Variants in GSE1 observed in about 807,000 individuals in gnomAD.
GSE1 encodes Gse1 coiled-coil protein.
GSE1 carries 32 observed loss-of-function variants against 112.6 expected under a neutral mutation model. That is an observed-to-expected ratio of 0.28 (90% CI 0.21 to 0.38). The LOEUF (loss-of-function observed/expected upper bound fraction) is 0.38. Among genes scored for constraint, GSE1 ranks in the 10% least tolerant of loss-of-function variants. The pLI is 1.00. For missense variants in GSE1, 2,348 were observed against 1,699.2 expected (o/e 1.38, Z -6.71); for synonymous variants, 1,115 against 735.6 (o/e 1.52, Z -8.35).
intron 2 of GSE1, among the ~76,000 whole-genome samples, chr16:85,489,270 C>T (rs1462299039): frequency 6.6e-6 from 1 of 151,896 alleles, no homozygotes; most frequent in Non-Finnish European, 1.5e-5. Context: ...CCTCCCCATC[C>T]TGGATGGGCT....
chr16:85,449,451 C>T (rs1462373680), intron 2 of GSE1, among the ~76,000 whole-genome samples: 3 of 152,254 alleles, frequency 2.0e-5, no homozygotes, highest in Non-Finnish European at 4.4e-5. Context: ...CTCCCAGATC[C>T]GGCTGCGGTC....
chr16:85,202,989 C>A (rs959536709), intron 1 of GSE1, among the ~76,000 whole-genome samples: 1 of 151,242 alleles, frequency 6.6e-6, no homozygotes, highest in Admixed American at 6.6e-5. Context: ...ACCTCTACCC[C>A]CCTTCTCCCC....
At chr16:85,506,606 C>T (rs533920270) in intron 2 of GSE1, among the ~76,000 whole-genome samples, 28 of 152,134 alleles carry the variant, frequency 1.8e-4, no homozygotes, top group Admixed American at 1.0e-3. Context: ...TAGGGGAAAA[C>T]GCACTCTCAT....
intron 1 of GSE1, among the ~76,000 whole-genome samples, chr16:85,350,540 C>T (rs896858936): frequency 6.6e-6 from 1 of 152,140 alleles, no homozygotes; most frequent in Non-Finnish European, 1.5e-5. Flanking sequence ...GGACACTGGA[C>T]AGGCCCCGCC....
chr16:85,661,212 T>C lies in GSE1; in HGVS notation c.1707T>C (p.Pro569=). 1 of 1,607,996 alleles carries C rather than the reference T, an allele frequency of 6.2e-7. No homozygotes were observed. Among genetic ancestry groups the C allele is most frequent in the Non-Finnish European group, 8.5e-7 (1 of 1,176,052 alleles). The change falls in exon 9 of 16, where the codon CCT becomes CCC. Residue 569 remains proline, a synonymous_variant. Transcript: ENST00000253458. ...DPPQHFGGPP[P]LISPKPQLHA... The stretch of plus-strand genomic sequence containing the variant: ...CGCAGCACTTTGGGGGGCCACCACC[T>C]CTGATTTCGCCCAAGCCCCAGCTCC...
chr16:85,628,192 C>T (rs945553381), intron 1 of GSE1, among the ~76,000 whole-genome samples: 2 of 152,266 alleles, frequency 1.3e-5, no homozygotes, highest in African/African-American at 4.8e-5. Flanking sequence ...GCCCAGTGCA[C>T]ACATACTGAG....
At chr16:85,552,027 CTT>C (rs1319349527), upstream of GSE1, among the ~76,000 whole-genome samples, 1 of 147,496 alleles carries the variant, frequency 6.8e-6, no homozygotes. Flanking sequence ...TTCTTTCTTT[CTT>C]TTTTTTTTTT....
intron 1 of GSE1, among the ~76,000 whole-genome samples, chr16:85,345,642 C>T (rs1028687087): frequency 1.3e-5 from 2 of 152,240 alleles, no homozygotes; most frequent in Non-Finnish European, 2.9e-5. Context: ...CCCTTCTCTC[C>T]ATCCTGTTCT....
At chr16:85,651,405 C>A in intron 3 of GSE1, among the ~76,000 whole-genome samples, 1 of 152,078 alleles carries the variant, frequency 6.6e-6, no homozygotes, top group Non-Finnish European at 1.5e-5. Context: ...TGCTGGCTGC[C>A]CCCCAGCCCC....
chr16:85,556,199 CTTTA>C (rs745416128), exon 1 of GSE1: 17 of 984,558 alleles, frequency 1.7e-5, no homozygotes, highest in Non-Finnish European at 1.9e-5. Flanking sequence ...GCTCTTCTGC[CTTTA>C]TTTTATTGTT....
intron 2 of GSE1, among the ~76,000 whole-genome samples, chr16:85,421,773 C>A (rs2048850867): frequency 6.6e-6 from 1 of 152,058 alleles, no homozygotes; most frequent in Non-Finnish European, 1.5e-5. Context: ...GGCCTCCCAC[C>A]AGGAACCCCA....
At position 85,289,897 on chromosome 16, in the gene GSE1, A is replaced by C. The variant is rs145989300; in HGVS notation, c.2284-67566A>C. On this transcript the variant is annotated intron_variant, in intron 1 of 2. Transcript: ENST00000637419. ...GAAGCCCCTGGTAGAGCTTCTGAGCATGTGTGTGCCTGACCTCTCTTTGGA... is the reference window on the plus strand; with the variant it reads ...GAAGCCCCTGGTAGAGCTTCTGAGCCTGTGTGTGCCTGACCTCTCTTTGGA... Among the ~76,000 whole-genome samples the C allele has an allele frequency of 2.9e-3, 446 of 152,240 alleles. 3 individuals carry two copies. The highest frequency in any genetic ancestry group is 4.5e-3 in the Non-Finnish European group (307 of 68,018).
chr16:85,460,422 G>A (rs568898508), intron 2 of GSE1, among the ~76,000 whole-genome samples: 2 of 152,374 alleles, frequency 1.3e-5, no homozygotes, highest in South Asian at 2.1e-4. Flanking sequence ...ACCCTCAAGA[G>A]AGGGACGCTG....
chr16:85,396,061 A>C (rs1199880518), intron 2 of GSE1, among the ~76,000 whole-genome samples: 1 of 152,234 alleles, frequency 6.6e-6, no homozygotes, highest in Admixed American at 6.5e-5. Context: ...GATATGAACA[A>C]GGCTGATGAA....
At chr16:85,229,501 G>T (rs2075545690) in intron 1 of GSE1, among the ~76,000 whole-genome samples, 2 of 152,234 alleles carry the variant, frequency 1.3e-5, no homozygotes, top group South Asian at 2.1e-4. Flanking sequence ...CTGTCTATGT[G>T]CCATGCACCG....
intron 2 of GSE1, among the ~76,000 whole-genome samples, chr16:85,432,974 A>C (rs1396941501): frequency 6.6e-6 from 1 of 152,066 alleles, no homozygotes; most frequent in East Asian, 1.9e-4. Context: ...GAGCGGTCAC[A>C]CTGTGGATGG....
chr16:85,208,517 C>A (rs1318244703), intron 1 of GSE1, among the ~76,000 whole-genome samples: 1 of 152,218 alleles, frequency 6.6e-6, no homozygotes, highest in East Asian at 1.9e-4. Flanking sequence ...TCCTCGTCCC[C>A]CACACCACCT....
intron 2 of GSE1, among the ~76,000 whole-genome samples, chr16:85,539,240 C>G (rs1854575814): frequency 1.3e-5 from 2 of 152,272 alleles, no homozygotes; most frequent in South Asian, 4.1e-4. Flanking sequence ...ACCGCAGTGT[C>G]TATTTTTGCA....
At chr16:85,480,922 T>G (rs1049359485) in intron 2 of GSE1, among the ~76,000 whole-genome samples, 2 of 152,222 alleles carry the variant, frequency 1.3e-5, no homozygotes, top group African/African-American at 4.8e-5. Flanking sequence ...GCACCGGCGG[T>G]GCCCCCAGGG....
Sources: gnomAD v4.1 joint callset for allele counts (sites outside exome capture counted in the v4.1 genomes callset) on GRCh38, gnomAD v4.1.1 for gene constraint, MANE v1.5 for transcripts, NCBI Gene and HGNC (gene_info 2026-07-23, HGNC 2026-07-21) for gene names.